EDEM3: variants seen among roughly 807,000 people sequenced by gnomAD.
The protein encoded by EDEM3 is ER degradation enhancing alpha-mannosidase like protein 3, also known as ER degradation-enhancing alpha-mannosidase-like protein 3.
Under a neutral mutation model 110.2 loss-of-function variants are expected in EDEM3, and 60 were observed. The ratio of observed to expected loss-of-function variants is 0.54; its 90% CI spans 0.44 to 0.67. The LOEUF (loss-of-function observed/expected upper bound fraction) is 0.67, where lower values mean the gene tolerates loss of function less well. Among genes scored for constraint, EDEM3 ranks in the 30% least tolerant of loss-of-function variants. The probability of loss-of-function intolerance (pLI) is 0.00; values close to 1 mark genes in which losing one functional copy is unlikely to be tolerated. For missense variants in EDEM3, 996 were observed against 1,121.0 expected (o/e 0.89, Z 1.59); for synonymous variants, 352 against 382.9 (o/e 0.92, Z 0.94).
intron 19 of EDEM3, among the ~76,000 whole-genome samples, chr1:184,695,367 T>G (rs563718797): frequency 2.0e-5 from 3 of 152,032 alleles, no homozygotes; most frequent in Non-Finnish European, 4.4e-5. Context: ...AAAGATATTA[T>G]ACAAATAATC....
At chr1:184,714,259 C>G (rs1650421737) in intron 13 of EDEM3, among the ~76,000 whole-genome samples, 1 of 152,090 alleles carries the variant, frequency 6.6e-6, no homozygotes, top group Non-Finnish European at 1.5e-5. Context: ...AACATCAGAT[C>G]ATATGATCTA....
At position 184,711,796 on chromosome 1, in the gene EDEM3, A is replaced by T. The variant is rs765728282; in HGVS notation, c.1618T>A (p.Leu540Met). Residue 540 changes from leucine to methionine, a missense_variant, in exon 15 of 20, where the codon TTG becomes ATG. Transcript: ENST00000318130. ...GGCTCACGAATACTTTGAGCATACA[A>T]TGGGTCATTAGGAAAGAGGATCTGA... ...NTQILFPNDP[L>M]YAQSIREPLK... 2.5e-6 allele frequency: 4 copies of T among 1,613,434 alleles called. No homozygotes were observed. In the Admixed American group the frequency reaches 6.7e-5, roughly 27 times the overall value.
chr1:184,698,809 A>T (rs1649461479), intron 19 of EDEM3, among the ~76,000 whole-genome samples: 1 of 151,900 alleles, frequency 6.6e-6, no homozygotes, highest in South Asian at 2.1e-4. Flanking sequence ...AGAGACAGAG[A>T]GAAGAACTTT....
chr1:184,694,002 T>C lies in EDEM3; in HGVS notation c.*61A>G, dbSNP rs1268921136. Reference sequence around the variant, plus strand: ...AAAGCCTGCTTAGTATTAGGATGTCTATTAACCACACACAGTTTACCTTTT... The same window carrying C: ...AAAGCCTGCTTAGTATTAGGATGTCCATTAACCACACACAGTTTACCTTTT... On this transcript the variant is annotated 3_prime_UTR_variant, in exon 20 of 20. Coordinates refer to ENST00000318130, the MANE Select transcript of EDEM3 (RefSeq NM_025191.4). 2 of 1,531,128 alleles carry C rather than the reference T, an allele frequency of 1.3e-6. No individual in the cohort carries two copies. Among genetic ancestry groups the C allele is most frequent in the Non-Finnish European group, 1.8e-6 (2 of 1,134,664 alleles). 94.8% of individuals were successfully genotyped at this position (1,531,128 alleles called of 1,614,324 possible). A position where few individuals can be genotyped will look rare whatever the true frequency, so the allele number is the denominator to read the frequency against.
At position 184,693,047 on chromosome 1, in the gene EDEM3, C is replaced by G. The variant is rs1061508; in HGVS notation, c.*1016G>C. 1 of 154,564 alleles carries G rather than the reference C, an allele frequency of 6.5e-6. No individual in the cohort carries two copies. 9.6% of individuals were successfully genotyped at this position (154,564 alleles called of 1,614,324 possible). A position where few individuals can be genotyped will look rare whatever the true frequency, so the allele number is the denominator to read the frequency against. ...GAATTTTAACTCACTAACCACAGTTCTATCATGGCTCTGTAAGACAGAAAA... is the reference window on the plus strand; with the variant it reads ...GAATTTTAACTCACTAACCACAGTTGTATCATGGCTCTGTAAGACAGAAAA... On this transcript the variant is annotated 3_prime_UTR_variant, in exon 20 of 20. Transcript: ENST00000318130.
At chr1:184,731,624 T>TGAG (rs1651523235) in intron 6 of EDEM3, among the ~76,000 whole-genome samples, 1 of 152,230 alleles carries the variant, frequency 6.6e-6, no homozygotes, top group African/African-American at 2.4e-5. Flanking sequence ...CTGTGAGTTC[T>TGAG]CTCTCTGTCC....
At chr1:184,722,831 C>G (rs1401746081) in intron 8 of EDEM3, among the ~76,000 whole-genome samples, 1 of 151,722 alleles carries the variant, frequency 6.6e-6, no homozygotes, top group Non-Finnish European at 1.5e-5. Flanking sequence ...TAAGAATATT[C>G]TAATTTATTT....
chr1:184,754,649 C>G lies in EDEM3; in HGVS notation c.-3G>C. 6.4e-7 allele frequency: 1 copy of G among 1,553,660 alleles called. No homozygotes were observed. The highest frequency in any genetic ancestry group is 8.7e-7 in the Non-Finnish European group (1 of 1,151,096). On this transcript the variant is annotated 5_prime_UTR_variant, in exon 1 of 20. Coordinates refer to ENST00000318130, the MANE Select transcript of EDEM3 (RefSeq NM_025191.4). ...CCCCGGCCGCCGGCTTCGCTCATGG[C>G]CCCGCGGTTCCGCGCACGCGCAGCT...
chr1:184,694,738 A>C (rs900174993), intron 19 of EDEM3, among the ~76,000 whole-genome samples: 3 of 152,070 alleles, frequency 2.0e-5, no homozygotes, highest in East Asian at 3.9e-4. Flanking sequence ...GACTGACATC[A>C]GTGGACATTA....
rs775788040 is a variant in EDEM3 at position 184,708,350 on chromosome 1, A to G, written c.1846-6T>C. 1 of 1,604,916 alleles carries G rather than the reference A, an allele frequency of 6.2e-7. No homozygotes were observed. Among genetic ancestry groups the G allele is most frequent in the South Asian group, 1.1e-5 (1 of 88,954 alleles). ...GCGTCGATTGAACTAGCAGCCTATG[A>G]AAAAAACAAATTCATTTTATCCTTC... On this transcript the variant is annotated splice_region_variant and splice_polypyrimidine_tract_variant and intron_variant, in intron 16 of 19. Transcript: ENST00000318130.
In EDEM3 at chr1:184,694,066, T is replaced by C. The variant is rs754464371; in HGVS notation, c.2796A>G (p.Leu932=). The C allele has an allele frequency of 1.9e-6, 3 of 1,611,212 alleles. No individual in the cohort carries two copies. The highest frequency in any genetic ancestry group is 2.5e-6 in the Non-Finnish European group (3 of 1,178,442). The change falls in exon 20 of 20, where the codon CTA becomes CTG. Residue 932 remains leucine, a synonymous_variant. Coordinates refer to ENST00000318130, the MANE Select transcript of EDEM3 (RefSeq NM_025191.4). ...EAFEMMEKDE[L] ...TACCAACAGATTGTTTAGCAAGTCA[T>C]AGCTCATCCTTCTCCATCATTTCAA...
In EDEM3 at chr1:184,734,601, CT is replaced by C; in HGVS notation, c.387del (p.Val130PhefsTer2). 6.5e-7 allele frequency: 1 copy of C among 1,545,430 alleles called. No homozygotes were observed. The highest frequency in any genetic ancestry group is 8.8e-7 in the Non-Finnish European group (1 of 1,141,828). On this transcript the variant is annotated frameshift_variant, in exon 5 of 20. Transcript: ENST00000318130. LOFTEE classifies it high-confidence loss of function. ...TTATCTAAATTAACATCTCTTAAAA[CT>C]TTTCTCACTGCATCTTCAAATTCTT... is the stretch of plus-strand genomic sequence containing the variant. ...KTKEFEDAVR[K>X]VLRDVNLDND...
chr1:184,731,293 T>G (rs1281602412), intron 6 of EDEM3, among the ~76,000 whole-genome samples: 1 of 152,218 alleles, frequency 6.6e-6, no homozygotes, highest in Non-Finnish European at 1.5e-5. Flanking sequence ...TAAAATTTTC[T>G]TAGGGGAAAA....
In EDEM3 at chr1:184,726,403, G is replaced by A; in HGVS notation, c.613-14C>T. The A allele has an allele frequency of 6.2e-7, 1 of 1,610,312 alleles. No individual in the cohort carries two copies. The highest frequency in any genetic ancestry group is 8.5e-7 in the Non-Finnish European group (1 of 1,178,038). On this transcript the variant is annotated splice_polypyrimidine_tract_variant and intron_variant, in intron 6 of 19. Transcript: ENST00000318130. ...CTTTAAATTAATCTGAATACAATTA[G>A]AAAATTGTCATTAGCAGTTATCAAG...
intron 6 of EDEM3, 74 bp from the exon 7 acceptor site, chr1:184,726,463 C>A: frequency 6.8e-7 from 1 of 1,464,908 alleles, no homozygotes; most frequent in Non-Finnish European, 9.3e-7. Flanking sequence ...ACTTTTCAAT[C>A]AAGTCTTTGT....
intron 19 of EDEM3, chr1:184,701,682 C>A: frequency 1.3e-5 from 6 of 446,888 alleles, no homozygotes; most frequent in Non-Finnish European, 2.2e-5. Context: ...TAGAAAAGGG[C>A]CCAGGAAAAA....
Position 184,712,522 on chromosome 1 carries a change from C to G in EDEM3, c.1447G>C (p.Asp483His), listed in dbSNP as rs751088993. 2.5e-6 allele frequency: 4 copies of G among 1,601,268 alleles called. No homozygotes were observed. Residue 483 changes from aspartate to histidine, a missense_variant, in exon 14 of 20, where the codon GAC (aspartate) becomes CAC (histidine). By Grantham distance (81) the Asp-to-His change is moderately conservative. Around this residue, in one of 5 missense-constraint regions of EDEM3, gnomAD observed 138 missense variants for 124.3 expected, o/e 1.11. Coordinates refer to ENST00000318130, the MANE Select transcript of EDEM3 (RefSeq NM_025191.4). ...LFADKEDIIF[D>H]IEDYIFTTEA... is the part of the protein sequence containing the mutation. ...GTTGTAAAGATGTAATCTTCTATGT[C>G]AAAAATAATGTCTTCTTTATCAGCA...
chr1:184,738,349 G>A (rs1370884928), intron 2 of EDEM3, among the ~76,000 whole-genome samples: 5 of 152,126 alleles, frequency 3.3e-5, no homozygotes, highest in African/African-American at 7.2e-5. Context: ...TCTAGTAAAT[G>A]ATCCAGAATT....
intron 18 of EDEM3, among the ~76,000 whole-genome samples, chr1:184,704,534 C>T (rs1649803353): frequency 6.6e-6 from 1 of 150,644 alleles, no homozygotes; most frequent in Non-Finnish European, 1.5e-5. Context: ...GCCTGTAATC[C>T]CAGCTACTCA....
Sources: allele counts gnomAD v4.1 joint callset (sites outside exome capture counted in the v4.1 genomes callset), GRCh38; gene constraint gnomAD v4.1.1; regional missense constraint gnomAD v4.1.1; transcripts MANE v1.5; gene names NCBI Gene and HGNC (gene_info 2026-07-23, HGNC 2026-07-21).